The following KANSL1 variants were observed in gnomAD, a reference collection of about 807,000 sequenced individuals.
KANSL1 encodes KAT8 regulatory NSL complex subunit 1, also known as MLL1/MLL complex subunit KANSL1.
Under a neutral mutation model 103.6 loss-of-function variants are expected in KANSL1, and 22 were observed. The ratio of observed to expected loss-of-function variants is 0.21; its 90% confidence interval spans 0.15 to 0.30. The LOEUF (loss-of-function observed/expected upper bound fraction) is 0.30. Among genes scored for constraint, KANSL1 ranks in the 10% least tolerant of loss-of-function variants. The pLI is 1.00. For synonymous variants in KANSL1, 600 were observed against 527.6 expected (o/e 1.14, Z -1.88); for missense variants, 1,337 against 1,399.8 (o/e 0.96, Z 0.72).
chr17:46,043,029 C>T (rs1044944533), intron 7 of KANSL1: 2 of 152,158 alleles, frequency 1.3e-5, no homozygotes, highest in Admixed American at 6.5e-5. Flanking sequence ...CTCAGCTATA[C>T]CAAATCCTAG....
chr17:46,106,204 G>A (rs1452455940), intron 2 of KANSL1, among the ~76,000 whole-genome samples: 1 of 152,168 alleles, frequency 6.6e-6, no homozygotes, highest in Non-Finnish European at 1.5e-5. Context: ...CCACCACTTA[G>A]CTAGCTATTA....
intron 1 of KANSL1, among the ~76,000 whole-genome samples, chr17:46,212,471 G>A (rs568632800): frequency 5.9e-5 from 9 of 152,214 alleles, no homozygotes; most frequent in African/African-American, 1.7e-4. Flanking sequence ...CGCCCACCTC[G>A]GCCTCCTGAA....
rs149673847 is a variant in KANSL1, at chr17:46,031,028, G to T, written c.*448C>A. On this transcript the variant is annotated 3_prime_UTR_variant, in exon 15 of 15. Transcript: ENST00000432791. ...ACCCAGCCAGGAGGGCCACAGCAGA[G>T]CCAAGCCACAGATGGGAGGGGAGGG... 10 of 163,938 alleles carry T rather than the reference G, an allele frequency of 6.1e-5. No homozygotes were observed. Among genetic ancestry groups the T allele is most frequent in the Non-Finnish European group, 1.3e-5 (1 of 75,334 alleles). The allele number at this position is 163,938 out of a possible 1,614,324, so 10.2% of individuals were successfully genotyped here. A position where few individuals can be genotyped will look rare whatever the true frequency, so the allele number is the denominator to read the frequency against.
Position 46,038,776 on chromosome 17 carries a change from T to A in KANSL1, c.2393-90A>T, listed in dbSNP as rs2077225790. On this transcript the variant is annotated intron_variant, in intron 9 of 14. Transcript: ENST00000432791. ...AGCTTGGAATGGCAGCAATACATAC[T>A]AAAGGCAAAAATGTTTTCTATGCCT... 6 of 1,519,156 alleles carry A rather than the reference T, an allele frequency of 3.9e-6. No homozygotes were observed. The Admixed American group carries it at 8.9e-5, about 23-fold the overall frequency. The allele number at this position is 1,519,156 out of a possible 1,614,324, so 94.1% of individuals were successfully genotyped here. A position where few individuals can be genotyped will look rare whatever the true frequency, so the allele number is the denominator to read the frequency against.
At chr17:46,062,296 C>T (rs17575683) in intron 6 of KANSL1, among the ~76,000 whole-genome samples, 21,509 of 147,652 alleles carry the variant, frequency 0.15, 2,111 homozygotes, top group Non-Finnish European at 0.22. Flanking sequence ...ACGAGTTTAA[C>T]TTACTGAACA....
chr17:46,061,356 T>C (rs964124331), intron 6 of KANSL1, among the ~76,000 whole-genome samples: 4 of 152,214 alleles, frequency 2.6e-5, no homozygotes, highest in Non-Finnish European at 5.9e-5. Context: ...AATAACTTTA[T>C]TGATCTGAAA....
intron 2 of KANSL1, among the ~76,000 whole-genome samples, chr17:46,150,927 CAAA>C (rs67160662): frequency 0.033 from 4,497 of 134,360 alleles, 200 homozygotes; most frequent in African/African-American, 0.11. Flanking sequence ...CCTATTCTGT[CAAA>C]AAAAAAAAAA....
intron 2 of KANSL1, among the ~76,000 whole-genome samples, chr17:46,105,364 C>T (rs1248338157): frequency 1.3e-5 from 2 of 152,294 alleles, no homozygotes; most frequent in Admixed American, 6.5e-5. Context: ...GGCCTGTAAT[C>T]CCAGCACTTT....
intron 7 of KANSL1, 113 bp downstream of exon 7, chr17:46,050,420 A>C (rs1211935910): frequency 9.0e-7 from 1 of 1,116,484 alleles, no homozygotes; most frequent in Non-Finnish European, 1.3e-6. Flanking sequence ...TTGGTTGACG[A>C]AAGTTGTACC....
At chr17:46,047,931 G>A (rs2146456270) in intron 7 of KANSL1, among the ~76,000 whole-genome samples, 1 of 151,526 alleles carries the variant, frequency 6.6e-6, no homozygotes, top group Admixed American at 6.6e-5. Context: ...CACCAAGACA[G>A]GGTCTCACTA....
In KANSL1 at chr17:46,171,449, G is replaced by C; in HGVS notation, c.695C>G (p.Ser232Cys). The change falls in exon 2 of 15, where the codon TCC (serine) becomes TGC (cysteine). Residue 232 changes from serine (S) to cysteine (C), a missense_variant. By Grantham distance (112) the Ser-to-Cys change is moderately radical. Coordinates refer to ENST00000432791, the MANE Select transcript of KANSL1 (RefSeq NM_015443.4). ...CGGCTGTTCCATGGAATTGACAGAG[G>C]ATTTGTTTGCAGTGCTATTATTGCT... ...LYSNNSTANK[S>C]SVNSMEQPAL... The C allele has an allele frequency of 1.9e-6, 3 of 1,614,048 alleles. No individual in the cohort carries two copies. The highest frequency in any genetic ancestry group is 2.5e-6 in the Non-Finnish European group (3 of 1,180,014).
intron 2 of KANSL1, among the ~76,000 whole-genome samples, chr17:46,159,000 T>A (rs2045587789): frequency 6.6e-6 from 1 of 152,102 alleles, no homozygotes; most frequent in South Asian, 2.1e-4. Context: ...TTCACTGCAA[T>A]AAGTGAACAC....
intron 1 of KANSL1, among the ~76,000 whole-genome samples, chr17:46,191,188 A>G (rs536894614): frequency 2.0e-5 from 3 of 152,382 alleles, no homozygotes; most frequent in Non-Finnish European, 4.4e-5. Context: ...AGATAAAGGA[A>G]TAACATACTT....
At chr17:46,102,603 G>A (rs112893440) in intron 2 of KANSL1, among the ~76,000 whole-genome samples, 21,673 of 151,904 alleles carry the variant, frequency 0.14, 2,125 homozygotes, top group Non-Finnish European at 0.22. Flanking sequence ...CCTTGAAATT[G>A]AACACAGCAC....
chr17:46,183,901 A>G (rs2046904729), intron 1 of KANSL1, among the ~76,000 whole-genome samples: 1 of 152,206 alleles, frequency 6.6e-6, no homozygotes, highest in Non-Finnish European at 1.5e-5. Context: ...CGACAGAATG[A>G]GACTGTCTCC....
At chr17:46,079,880 G>A (rs1447530537) in intron 4 of KANSL1, among the ~76,000 whole-genome samples, 3 of 152,112 alleles carry the variant, frequency 2.0e-5, no homozygotes, top group Admixed American at 2.0e-4. Context: ...GGGAAGCTGA[G>A]GTGGGAGGAT....
chr17:46,136,259 A>T (rs1483189820), intron 2 of KANSL1, among the ~76,000 whole-genome samples: 1 of 152,218 alleles, frequency 6.6e-6, no homozygotes, highest in Non-Finnish European at 1.5e-5. Context: ...TTCTTTAAAA[A>T]ATCTAGGGTA....
At chr17:46,197,187 C>T (rs2047640518), upstream of KANSL1, among the ~76,000 whole-genome samples, 1 of 152,220 alleles carries the variant, frequency 6.6e-6, no homozygotes, top group African/African-American at 2.4e-5. Flanking sequence ...TTACACACAG[C>T]TCTGTATCCA....
chr17:46,174,069 C>T (rs544647289), intron 1 of KANSL1, among the ~76,000 whole-genome samples: 6 of 152,324 alleles, frequency 3.9e-5, no homozygotes, highest in Middle Eastern at 3.4e-3. Flanking sequence ...AGACCACTGA[C>T]GATATTTGCT....
Sources: allele counts gnomAD v4.1 joint callset (sites outside exome capture counted in the v4.1 genomes callset), GRCh38; gene constraint gnomAD v4.1.1; transcripts MANE v1.5; gene names NCBI Gene and HGNC (gene_info 2026-07-23, HGNC 2026-07-21).